The following TAFA4 variants were observed in gnomAD, a reference collection of about 807,000 sequenced individuals.
The protein encoded by TAFA4 is chemokine-like protein TAFA-4.
A neutral mutation model predicts 21.1 loss-of-function variants in TAFA4; 20 were observed. The ratio of observed to expected loss-of-function variants is 0.95; its 90% CI spans 0.67 to 1.38. The LOEUF is 1.38. Among genes scored for constraint, TAFA4 ranks in the 40% most tolerant of loss-of-function variants. The probability of loss-of-function intolerance (pLI) is 0.00; values close to 1 mark genes in which losing one functional copy is unlikely to be tolerated. For missense variants in TAFA4, 211 were observed against 180.9 expected, an observed-to-expected ratio of 1.17 and a Z score of -0.95; for synonymous variants, 71 against 67.4, an observed-to-expected ratio of 1.05 and a Z score of -0.26.
At chr3:68,781,247 G>A (rs1232751566) in intron 3 of TAFA4, among the ~76,000 whole-genome samples, 3 of 151,406 alleles carry the variant, frequency 2.0e-5, no homozygotes, top group East Asian at 2.0e-4. Flanking sequence ...ATATAAAGAA[G>A]AGCAAATTAA....
chr3:68,886,771 A>G (rs2089677268), intron 1 of TAFA4, among the ~76,000 whole-genome samples: 1 of 152,208 alleles, frequency 6.6e-6, no homozygotes, highest in Non-Finnish European at 1.5e-5. Context: ...CTTTCTTGTC[A>G]TGTCTTAGTC....
intron 3 of TAFA4, among the ~76,000 whole-genome samples, chr3:68,794,917 A>T (rs1021827556): frequency 7.9e-5 from 12 of 151,876 alleles, no homozygotes; most frequent in African/African-American, 2.9e-4. Context: ...CAGAACCAAG[A>T]GTAGATATAG....
At chr3:68,820,790 A>G (rs1367399933) in intron 3 of TAFA4, among the ~76,000 whole-genome samples, 1 of 152,218 alleles carries the variant, frequency 6.6e-6, no homozygotes, top group Admixed American at 6.5e-5. Context: ...ATGTATAGCT[A>G]TATCAAAACA....
intron 3 of TAFA4, among the ~76,000 whole-genome samples, chr3:68,818,335 C>T (rs1704033476): frequency 6.6e-6 from 1 of 152,174 alleles, no homozygotes; most frequent in African/African-American, 2.4e-5. Flanking sequence ...CTGGTTTGAT[C>T]TATCCAGATT....
intron 5 of TAFA4, 27 bp downstream of exon 5, chr3:68,739,048 T>A (rs1340475853): frequency 6.2e-7 from 1 of 1,611,058 alleles, no homozygotes; most frequent in East Asian, 2.2e-5. Flanking sequence ...AACTTGTAAA[T>A]TGTAGTTGCA....
At chr3:68,886,053 G>C (rs1361803772) in intron 1 of TAFA4, among the ~76,000 whole-genome samples, 1 of 152,156 alleles carries the variant, frequency 6.6e-6, no homozygotes, top group African/African-American at 2.4e-5. Flanking sequence ...CAGTGGTAAA[G>C]ATCAGAGAAA....
intron 3 of TAFA4, among the ~76,000 whole-genome samples, chr3:68,754,624 G>A (rs1430549285): frequency 6.6e-6 from 1 of 152,126 alleles, no homozygotes; most frequent in Non-Finnish European, 1.5e-5. Context: ...CTTCTCCATT[G>A]TAAAGGTATT....
At chr3:68,907,021 G>A (rs2089907301) in intron 1 of TAFA4, among the ~76,000 whole-genome samples, 1 of 103,782 alleles carries the variant, frequency 9.6e-6, no homozygotes, top group African/African-American at 3.7e-5. Context: ...ATAAAAGTGA[G>A]AGCCCGTCTC....
At chr3:68,857,680 T>C (rs1024880088) in intron 3 of TAFA4, among the ~76,000 whole-genome samples, 9 of 152,134 alleles carry the variant, frequency 5.9e-5, no homozygotes, top group African/African-American at 1.9e-4. Flanking sequence ...AAGACCACTC[T>C]GACATAGCAC....
chr3:68,745,476 CT>C (rs1041138729), intron 4 of TAFA4, among the ~76,000 whole-genome samples: 2 of 152,092 alleles, frequency 1.3e-5, no homozygotes, highest in African/African-American at 4.8e-5. Flanking sequence ...CATAATACCC[CT>C]GTCTTCAAGC....
intron 3 of TAFA4, among the ~76,000 whole-genome samples, chr3:68,875,792 G>C (rs1448790163): frequency 6.6e-6 from 1 of 151,974 alleles, no homozygotes; most frequent in Admixed American, 6.5e-5. Flanking sequence ...CTAAAAATAT[G>C]CTCTTGCAGA....
chr3:68,859,061 T>G (rs1277927066), intron 3 of TAFA4, among the ~76,000 whole-genome samples: 1 of 151,976 alleles, frequency 6.6e-6, no homozygotes, highest in African/African-American at 2.4e-5. Context: ...AGAAATAATC[T>G]GTTATTATTT....
intron 3 of TAFA4, among the ~76,000 whole-genome samples, chr3:68,809,872 G>A (rs932591746): frequency 9.9e-5 from 15 of 152,250 alleles, no homozygotes; most frequent in South Asian, 2.1e-4. Context: ...TCATTGGTCC[G>A]TAAATGTGTG....
chr3:68,841,833 G>C (rs1173782814), intron 3 of TAFA4, among the ~76,000 whole-genome samples: 1 of 152,140 alleles, frequency 6.6e-6, no homozygotes, highest in Non-Finnish European at 1.5e-5. Context: ...TGCTGAGAAT[G>C]ATGGTTTCCA....
intron 3 of TAFA4, among the ~76,000 whole-genome samples, chr3:68,835,209 A>G (rs1704495337): frequency 6.6e-6 from 1 of 152,094 alleles, no homozygotes; most frequent in Admixed American, 6.6e-5. Flanking sequence ...CCTTATTTGA[A>G]ATAGCAAACT....
chr3:68,740,800 TCCTTTTCAA>T (rs1403099609), intron 4 of TAFA4, among the ~76,000 whole-genome samples: 1 of 152,200 alleles, frequency 6.6e-6, no homozygotes, highest in Non-Finnish European at 1.5e-5. Context: ...TACATTTACA[TCCTTTTCAA>T]GTTAACTTTT....
At position 68,783,273 on chromosome 3, in the gene TAFA4, C is replaced by T. The variant is rs552741702; in HGVS notation, c.131-30255G>A. Among the ~76,000 whole-genome samples the T allele has an allele frequency of 2.0e-5, 3 of 152,194 alleles. No homozygotes were observed. The South Asian group carries it at 6.2e-4, about 32-fold the overall frequency. On this transcript the variant is annotated intron_variant, in intron 3 of 5. Coordinates refer to ENST00000295569, the MANE Select transcript of TAFA4 (RefSeq NM_182522.5). ...TTCAACATTGAACTAGAGGTCCTAG[C>T]CAGTGAAAATCAGGCAAGAAAAAGA... is the stretch of plus-strand genomic sequence containing the variant.
chr3:68,783,308 C>T (rs998860354), intron 3 of TAFA4, among the ~76,000 whole-genome samples: 3 of 152,060 alleles, frequency 2.0e-5, no homozygotes, highest in African/African-American at 7.2e-5. Context: ...AAATAAAAAG[C>T]AAATAAACCT....
chr3:68,769,895 C>T (rs576539651), intron 3 of TAFA4, among the ~76,000 whole-genome samples: 6 of 152,234 alleles, frequency 3.9e-5, no homozygotes, highest in East Asian at 3.9e-4. Flanking sequence ...AAATTCTTTT[C>T]GAATTCAGGA....
Sources: gnomAD v4.1 joint callset for allele counts (sites outside exome capture counted in the v4.1 genomes callset) on GRCh38, gnomAD v4.1.1 for gene constraint, MANE v1.5 for transcripts, NCBI Gene and HGNC (gene_info 2026-07-23, HGNC 2026-07-21) for gene names.